Variants in CADM1 observed in about 807,000 individuals in gnomAD.
CADM1 encodes cell adhesion molecule 1.
A neutral mutation model predicts 53.1 loss-of-function variants in CADM1; 15 were observed. The observed-to-expected ratio is 0.28, with a 90% CI of 0.19 to 0.44. The LOEUF (loss-of-function observed/expected upper bound fraction) is 0.44. Ranked by LOEUF, CADM1 falls within the 20% of genes least tolerant of loss-of-function variation. CADM1 has a pLI of 1.00. For missense variants in CADM1, 434 were observed against 611.3 expected, an observed-to-expected ratio of 0.71 and a Z score of 3.06; for synonymous variants, 281 against 243.0, an observed-to-expected ratio of 1.16 and a Z score of -1.45.
At chr11:115,259,508 G>A (rs1942903554) in intron 1 of CADM1, among the ~76,000 whole-genome samples, 1 of 151,972 alleles carries the variant, frequency 6.6e-6, no homozygotes, top group Admixed American at 6.6e-5. Flanking sequence ...TTTTCGCCAT[G>A]TTGGCCAGGC....
chr11:115,426,759 G>T (rs1947904367), intron 1 of CADM1, among the ~76,000 whole-genome samples: 2 of 150,004 alleles, frequency 1.3e-5, no homozygotes, highest in African/African-American at 2.5e-5. Flanking sequence ...AGCTCATTTT[G>T]GTTCTTTTTA....
At chr11:115,453,716 C>T (rs561987289) in intron 1 of CADM1, among the ~76,000 whole-genome samples, 18 of 152,286 alleles carry the variant, frequency 1.2e-4, no homozygotes, top group Admixed American at 1.0e-3. Context: ...CCAGGCTGGG[C>T]TCAAACTCTT....
At chr11:115,304,355 CTTACAT>C (rs1292567824) in intron 1 of CADM1, among the ~76,000 whole-genome samples, 1 of 152,026 alleles carries the variant, frequency 6.6e-6, no homozygotes, top group Non-Finnish European at 1.5e-5. Flanking sequence ...TTATCAAGCG[CTTACAT>C]TTACATTCCT....
At chr11:115,322,161 T>C (rs1224530036) in intron 1 of CADM1, among the ~76,000 whole-genome samples, 2 of 152,160 alleles carry the variant, frequency 1.3e-5, no homozygotes, top group African/African-American at 4.8e-5. Flanking sequence ...GTTCTTTACC[T>C]CTCTCCTGTA....
chr11:115,503,655 G>C (rs969132534), intron 1 of CADM1, among the ~76,000 whole-genome samples: 3 of 152,194 alleles, frequency 2.0e-5, no homozygotes, highest in Admixed American at 2.0e-4. Context: ...GGCTGCGAAC[G>C]GCCGGAGGGA....
chr11:115,401,511 G>A (rs1433390952), intron 1 of CADM1, among the ~76,000 whole-genome samples: 2 of 152,148 alleles, frequency 1.3e-5, no homozygotes, highest in African/African-American at 2.4e-5. Context: ...AGGAGGCTGA[G>A]GCAGAAGAAT....
intron 1 of CADM1, among the ~76,000 whole-genome samples, chr11:115,360,054 C>T (rs1303481105): frequency 2.6e-5 from 4 of 152,110 alleles, no homozygotes; most frequent in African/African-American, 9.7e-5. Flanking sequence ...TAAATTCTGG[C>T]CAAGAGCATT....
intron 1 of CADM1, among the ~76,000 whole-genome samples, chr11:115,320,667 C>A (rs1944799750): frequency 6.6e-6 from 1 of 151,254 alleles, no homozygotes; most frequent in African/African-American, 2.4e-5. Flanking sequence ...CTTGAGTATC[C>A]TGAAGTTGGT....
At chr11:115,462,237 A>G (rs1339939585) in intron 1 of CADM1, among the ~76,000 whole-genome samples, 1 of 152,238 alleles carries the variant, frequency 6.6e-6, no homozygotes, top group Non-Finnish European at 1.5e-5. Context: ...CAGCGGAGGC[A>G]GCGGCAATTA....
At chr11:115,318,108 T>C (rs1944722317) in intron 1 of CADM1, among the ~76,000 whole-genome samples, 1 of 152,172 alleles carries the variant, frequency 6.6e-6, no homozygotes, top group Non-Finnish European at 1.5e-5. Flanking sequence ...AAACTAATGC[T>C]ACTGTCTAGC....
intron 1 of CADM1, among the ~76,000 whole-genome samples, chr11:115,415,672 T>A (rs1353311820): frequency 6.6e-6 from 1 of 151,450 alleles, no homozygotes; most frequent in East Asian, 2.0e-4. Context: ...CCAGTCTCTA[T>A]TAAAAATACA....
At chr11:115,187,955 AT>A (rs1939657411) in intron 10 of CADM1, among the ~76,000 whole-genome samples, 1 of 152,082 alleles carries the variant, frequency 6.6e-6, no homozygotes. Context: ...AGCTGATAAC[AT>A]GTTTTGAGGA....
chr11:115,271,154 C>G (rs1034396639), intron 1 of CADM1, among the ~76,000 whole-genome samples: 1 of 152,094 alleles, frequency 6.6e-6, no homozygotes, highest in Non-Finnish European at 1.5e-5. Flanking sequence ...TCATCTTTAT[C>G]AGGCTAAGCA....
chr11:115,404,732 C>A (rs774925492), intron 1 of CADM1, among the ~76,000 whole-genome samples: 11 of 151,186 alleles, frequency 7.3e-5, no homozygotes, highest in Non-Finnish European at 1.3e-4. Context: ...GTGGTGCACG[C>A]CTGTGGTCTC....
At chr11:115,177,680 T>C (rs1315139617) in intron 11 of CADM1, among the ~76,000 whole-genome samples, 1 of 134,252 alleles carries the variant, frequency 7.4e-6, no homozygotes, top group Non-Finnish European at 1.7e-5. Flanking sequence ...CTGTCAAGCT[T>C]ACCACCGAGA....
intron 1 of CADM1, among the ~76,000 whole-genome samples, chr11:115,401,843 T>C (rs929662953): frequency 4.6e-5 from 7 of 152,114 alleles, no homozygotes; most frequent in African/African-American, 9.7e-5. Context: ...CTGCAACAAA[T>C]GTACCACGCT....
At chr11:115,236,834 G>T (rs1055907020) in intron 3 of CADM1, among the ~76,000 whole-genome samples, 1 of 152,142 alleles carries the variant, frequency 6.6e-6, no homozygotes, top group Non-Finnish European at 1.5e-5. Context: ...AGACAGAATT[G>T]TAAGATTTAT....
chr11:115,403,560 T>G (rs1359416367), intron 1 of CADM1, among the ~76,000 whole-genome samples: 1 of 152,178 alleles, frequency 6.6e-6, no homozygotes, highest in African/African-American at 2.4e-5. Context: ...AATTTTTTTT[T>G]TGGTAAGTCT....
At chr11:115,183,455 C>G (rs906324993) in intron 10 of CADM1, among the ~76,000 whole-genome samples, 1 of 152,188 alleles carries the variant, frequency 6.6e-6, no homozygotes, top group African/African-American at 2.4e-5. Context: ...TGGAGAGTGG[C>G]TAGTACATCC....
Sources: gnomAD v4.1 joint callset for allele counts (sites outside exome capture counted in the v4.1 genomes callset) on GRCh38, gnomAD v4.1.1 for gene constraint, MANE v1.5 for transcripts, NCBI Gene and HGNC (gene_info 2026-07-23, HGNC 2026-07-21) for gene names.